Variants in CTNNA3 observed in about 807,000 individuals in gnomAD.
The protein encoded by CTNNA3 is catenin alpha 3.
In CTNNA3, 76 loss-of-function variants were observed where a neutral mutation model predicts 95.7. The ratio of observed to expected loss-of-function variants is 0.79; its 90% CI spans 0.66 to 0.96. CTNNA3 has a LOEUF of 0.96. Among genes scored for constraint, CTNNA3 ranks in the 40% least tolerant of loss-of-function variants. The probability of loss-of-function intolerance (pLI) is 0.00; values close to 1 mark genes in which losing one functional copy is unlikely to be tolerated. For missense variants in CTNNA3, 1,191 were observed against 1,089.8 expected (o/e 1.09, Z -1.31); for synonymous variants, 431 against 374.4 (o/e 1.15, Z -1.74).
At chr10:66,086,961 C>A (rs72793467) in intron 14 of CTNNA3, among the ~76,000 whole-genome samples, 6,745 of 152,134 alleles carry the variant, frequency 0.044, 222 homozygotes, top group East Asian at 0.2. Context: ...CCTGAAAAAT[C>A]AAGTTACAAG....
chr10:67,007,085 C>T (rs994584128), intron 7 of CTNNA3, among the ~76,000 whole-genome samples: 1 of 152,150 alleles, frequency 6.6e-6, no homozygotes, highest in African/African-American at 2.4e-5. Context: ...CGTGAGCCAC[C>T]ACACCCAGCT....
Position 66,618,218 on chromosome 10 carries a change from T to G in CTNNA3, c.1374+3474A>C, listed in dbSNP as rs897657751. On this transcript the variant is annotated intron_variant, in intron 10 of 17. Coordinates refer to ENST00000433211, the MANE Select transcript of CTNNA3 (RefSeq NM_013266.4). ...AGAATTGGAAAAAACTACTTTAAAG[T>G]TCATATGGAACCAAAAAAGAGCCCG... Among the ~76,000 whole-genome samples the G allele has an allele frequency of 4.6e-5, 7 of 151,684 alleles. No individual in the cohort carries two copies. The East Asian group carries it at 9.7e-4, about 21-fold the overall frequency.
intron 11 of CTNNA3, among the ~76,000 whole-genome samples, chr10:66,385,067 C>A (rs1564916577): frequency 6.6e-6 from 1 of 152,066 alleles, no homozygotes; most frequent in Admixed American, 6.5e-5. Context: ...CAAAACCTAG[C>A]AGAAGGCAAG....
In CTNNA3 at chr10:66,028,728, AAAACTT is replaced by A. The variant is rs1385317949; in HGVS notation, c.2160-39937_2160-39932del. On this transcript the variant is annotated intron_variant, in intron 15 of 17. Coordinates refer to ENST00000433211, the MANE Select transcript of CTNNA3 (RefSeq NM_013266.4). Reference sequence around the variant, plus strand: ...CCTGCACATTGTGCATGTGTACTCTAAAACTTAAAGTATAATTTAAAAAAAAGGGAA... The same window carrying A: ...CCTGCACATTGTGCATGTGTACTCTAAAAGTATAATTTAAAAAAAAGGGAA... Among the ~76,000 whole-genome samples, 4 of 152,138 alleles carry A rather than the reference AAAACTT, an allele frequency of 2.6e-5. No individual in the cohort carries two copies. The South Asian group carries it at 8.3e-4, about 32-fold the overall frequency.
At chr10:66,876,090 C>T (rs1844610833) in intron 7 of CTNNA3, among the ~76,000 whole-genome samples, 1 of 152,130 alleles carries the variant, frequency 6.6e-6, no homozygotes, top group African/African-American at 2.4e-5. Context: ...TATCTGCCTT[C>T]TTCCAGAAGA....
intron 3 of CTNNA3, among the ~76,000 whole-genome samples, chr10:67,556,024 G>T (rs1468447650): frequency 7.9e-5 from 12 of 152,142 alleles, no homozygotes; most frequent in African/African-American, 2.7e-4. Context: ...TGTGGTTTTT[G>T]TCTTTGGTTC....
chr10:66,879,210 T>C (rs138224043), intron 7 of CTNNA3, among the ~76,000 whole-genome samples: 145 of 152,220 alleles, frequency 9.5e-4, no homozygotes, highest in Non-Finnish European at 1.8e-3. Context: ...ATTAAGACAT[T>C]GATTTAAAGC....
chr10:65,918,556 C>T lies in CTNNA3; in HGVS notation c.*1774G>A, dbSNP rs2077034760. On this transcript the variant is annotated 3_prime_UTR_variant, in exon 18 of 18. Transcript: ENST00000433211. ...AGATAATTCTGAAAAACAGAGTCAT[C>T]TGAATTCCCTAATTCCCTTCTTCAC... 1 of 152,140 alleles carries T rather than the reference C, an allele frequency of 6.6e-6. No homozygotes were observed. Among genetic ancestry groups the T allele is most frequent in the Admixed American group, 6.5e-5 (1 of 15,272 alleles). The allele number at this position is 152,140 out of a possible 1,614,324, so 9.4% of individuals were successfully genotyped here.
At chr10:66,050,166 GA>G (rs11284649) in intron 15 of CTNNA3, among the ~76,000 whole-genome samples, 51,451 of 151,514 alleles carry the variant, frequency 0.34, 8,736 homozygotes, top group South Asian at 0.43. Flanking sequence ...ATGCCTCTGA[GA>G]ATAATTCCCA....
intron 7 of CTNNA3, among the ~76,000 whole-genome samples, chr10:67,112,379 C>A (rs1034435702): frequency 6.6e-6 from 1 of 151,796 alleles, no homozygotes; most frequent in African/African-American, 2.4e-5. Context: ...GGAATTTATC[C>A]ATATCTTAAG....
chr10:67,018,624 G>A (rs1358200423), intron 7 of CTNNA3, among the ~76,000 whole-genome samples: 2 of 152,198 alleles, frequency 1.3e-5, no homozygotes, highest in Non-Finnish European at 2.9e-5. Context: ...GAGCCAGAAT[G>A]CCTGGGTGTG....
intron 9 of CTNNA3, among the ~76,000 whole-genome samples, chr10:66,743,974 CAA>C (rs536825430): frequency 5.3e-3 from 239 of 45,006 alleles, no homozygotes; most frequent in African/African-American, 0.02. Flanking sequence ...GATTCCATCT[CAA>C]AAAAAAAAAA....
At chr10:67,701,277 TC>T (rs1841037368) in intron 1 of CTNNA3, among the ~76,000 whole-genome samples, 1 of 151,932 alleles carries the variant, frequency 6.6e-6, no homozygotes, top group African/African-American at 2.4e-5. Context: ...ACAGAGAATG[TC>T]ACAAAGATAC....
intron 7 of CTNNA3, among the ~76,000 whole-genome samples, chr10:66,910,209 G>A (rs1846162714): frequency 6.6e-6 from 1 of 152,192 alleles, no homozygotes; most frequent in Non-Finnish European, 1.5e-5. Context: ...CTTGTTCGGG[G>A]AATAATAAAT....
At chr10:67,127,280 G>C (rs1388179528) in intron 7 of CTNNA3, among the ~76,000 whole-genome samples, 1 of 151,974 alleles carries the variant, frequency 6.6e-6, no homozygotes, top group African/African-American at 2.4e-5. Flanking sequence ...GAGAATTATT[G>C]ACTTATTATA....
At chr10:66,086,243 T>C (rs965069628) in intron 14 of CTNNA3, among the ~76,000 whole-genome samples, 3 of 152,130 alleles carry the variant, frequency 2.0e-5, no homozygotes, top group Non-Finnish European at 4.4e-5. Flanking sequence ...GATGAAGCCA[T>C]GTCTATAAAT....
chr10:66,815,161 AT>A (rs1438228089), intron 7 of CTNNA3, among the ~76,000 whole-genome samples: 1 of 152,222 alleles, frequency 6.6e-6, no homozygotes, highest in African/African-American at 2.4e-5. Context: ...GAATCTTCTC[AT>A]AAAACACAGC....
chr10:66,869,924 T>C (rs1345315902), intron 7 of CTNNA3, among the ~76,000 whole-genome samples: 1 of 152,212 alleles, frequency 6.6e-6, no homozygotes, highest in Non-Finnish European at 1.5e-5. Flanking sequence ...TCTTTTTTCT[T>C]TAACTTACCT....
chr10:66,600,528 T>C (rs1843882362), intron 10 of CTNNA3, among the ~76,000 whole-genome samples: 1 of 151,814 alleles, frequency 6.6e-6, no homozygotes, highest in Non-Finnish European at 1.5e-5. Context: ...CACTGATCCA[T>C]CATTTTTTAC....
Sources: gnomAD v4.1 joint callset for allele counts (sites outside exome capture counted in the v4.1 genomes callset) on GRCh38, gnomAD v4.1.1 for gene constraint, MANE v1.5 for transcripts, NCBI Gene and HGNC (gene_info 2026-07-23, HGNC 2026-07-21) for gene names.